PGGT1B: variants seen among roughly 807,000 people sequenced by gnomAD.
PGGT1B encodes protein geranylgeranyltransferase type I subunit beta, also known as geranylgeranyl transferase type-1 subunit beta.
In PGGT1B, 30 loss-of-function variants were observed where a neutral mutation model predicts 46.1. The observed-to-expected ratio is 0.65, with a 90% confidence interval of 0.49 to 0.88. The LOEUF (loss-of-function observed/expected upper bound fraction) is 0.88, where lower values mean the gene tolerates loss of function less well. Ranked by LOEUF, PGGT1B falls within the 40% of genes least tolerant of loss-of-function variation. The pLI is 0.00. For missense variants in PGGT1B, 376 were observed against 455.9 expected (o/e 0.82, Z 1.60); for synonymous variants, 170 against 160.0 (o/e 1.06, Z -0.47).
intron 2 of PGGT1B, among the ~76,000 whole-genome samples, 177 bp from the exon 3 acceptor site, chr5:115,241,783 C>G (rs568939223): frequency 6.6e-6 from 1 of 152,274 alleles, no homozygotes; most frequent in East Asian, 1.9e-4. Context: ...GGAATTTCCT[C>G]ATTTAATTTC....
intron 8 of PGGT1B, among the ~76,000 whole-genome samples, chr5:115,214,475 T>C (rs937351671): frequency 1.3e-5 from 2 of 152,192 alleles, no homozygotes; most frequent in Admixed American, 6.5e-5. Context: ...TTGTATCAAA[T>C]TTGCCACTAA....
chr5:115,256,179 G>A (rs1748304233), intron 1 of PGGT1B, among the ~76,000 whole-genome samples: 1 of 152,156 alleles, frequency 6.6e-6, no homozygotes, highest in Non-Finnish European at 1.5e-5. Context: ...AGTGGAGGAG[G>A]GAGTTACTGG....
At chr5:115,245,023 T>C (rs1747767621) in intron 2 of PGGT1B, among the ~76,000 whole-genome samples, 1 of 152,214 alleles carries the variant, frequency 6.6e-6, no homozygotes, top group Non-Finnish European at 1.5e-5. Flanking sequence ...GGATTGTCTT[T>C]TTTAAAGGGT....
At chr5:115,217,311 C>G (rs1580744312) in intron 7 of PGGT1B, among the ~76,000 whole-genome samples, 1 of 132,398 alleles carries the variant, frequency 7.6e-6, no homozygotes, top group Non-Finnish European at 1.7e-5. Flanking sequence ...CATATTTTAA[C>G]TCTTATGATA....
At chr5:115,238,681 T>G (rs1757262619) in intron 3 of PGGT1B, among the ~76,000 whole-genome samples, 1 of 152,198 alleles carries the variant, frequency 6.6e-6, no homozygotes, top group Non-Finnish European at 1.5e-5. Flanking sequence ...CCTTCTATAA[T>G]AAATGTAAAC....
At chr5:115,222,682 T>C (rs1303640460) in intron 6 of PGGT1B, among the ~76,000 whole-genome samples, 1 of 152,224 alleles carries the variant, frequency 6.6e-6, no homozygotes, top group African/African-American at 2.4e-5. Flanking sequence ...ACACATATGT[T>C]TATTGTGGCA....
intron 1 of PGGT1B, among the ~76,000 whole-genome samples, chr5:115,254,681 G>A (rs1351648095): frequency 6.6e-6 from 1 of 151,734 alleles, no homozygotes; most frequent in South Asian, 2.1e-4. Flanking sequence ...ATAACAGGAG[G>A]AGATATCAGA....
chr5:115,261,183 C>CATCTCATATCACTACAATCAT (rs1275723525), intron 1 of PGGT1B, among the ~76,000 whole-genome samples: 1 of 152,148 alleles, frequency 6.6e-6, no homozygotes, highest in Non-Finnish European at 1.5e-5. Flanking sequence ...CATTTTAAAA[C>CATCTCATATCACTACAATCAT]ATCTCATATC....
At chr5:115,221,575 T>C (rs1277343761) in intron 7 of PGGT1B, among the ~76,000 whole-genome samples, 1 of 151,900 alleles carries the variant, frequency 6.6e-6, no homozygotes, top group Non-Finnish European at 1.5e-5. Flanking sequence ...CTATGTAAGG[T>C]TTTAAGTAGG....
intron 5 of PGGT1B, among the ~76,000 whole-genome samples, chr5:115,235,492 G>C (rs1410331692): frequency 6.6e-6 from 1 of 152,088 alleles, no homozygotes; most frequent in Non-Finnish European, 1.5e-5. Flanking sequence ...TAACTTTACA[G>C]AGAAAACTCT....
chr5:115,237,808 C>A, intron 4 of PGGT1B, 50 bp downstream of exon 4: 1 of 1,510,838 alleles, frequency 6.6e-7, no homozygotes, highest in Non-Finnish European at 9.1e-7. Flanking sequence ...TTTTTTAGTT[C>A]CAATATATTT....
rs1374498598 is a variant in PGGT1B, at chr5:115,211,873, C to CTTTACTTT, written c.*528_*529insAAAGTAAA. On this transcript the variant is annotated 3_prime_UTR_variant, in exon 9 of 9. Coordinates refer to ENST00000419445, the MANE Select transcript of PGGT1B (RefSeq NM_005023.4). ...ATAGGCCACACAGGTTTAATTGGCA[C>CTTTACTTT]ACTTTACTTAAGAATAAGACAAAAT... The CTTTACTTT allele has an allele frequency of 6.5e-6, 1 of 153,632 alleles. No homozygotes were observed. The highest frequency in any genetic ancestry group is 1.9e-4 in the East Asian group (1 of 5,204). The allele number at this position is 153,632 out of a possible 1,614,324, so 9.5% of individuals were successfully genotyped here. A position where few individuals can be genotyped will look rare whatever the true frequency, so the allele number is the denominator to read the frequency against.
intron 1 of PGGT1B, among the ~76,000 whole-genome samples, chr5:115,259,836 C>T (rs1051777932): frequency 7.2e-5 from 11 of 152,112 alleles, no homozygotes; most frequent in African/African-American, 2.7e-4. Flanking sequence ...ATTGTAAATG[C>T]TTTGTGAAAT....
Position 115,237,838 on chromosome 5 carries a change from T to C in PGGT1B, c.479+20A>G, listed in dbSNP as rs142537035. ...ATATTTTTGTTTATTACAAAAAAAG[T>C]AACAAAGAATCACTCATACCTCCCA... On this transcript the variant is annotated intron_variant, in intron 4 of 8. Coordinates refer to ENST00000419445, the MANE Select transcript of PGGT1B (RefSeq NM_005023.4). 6.9e-6 allele frequency: 11 copies of C among 1,595,486 alleles called. No individual in the cohort carries two copies. In the African/African-American group the frequency reaches 1.1e-4, roughly 16 times the overall value.
chr5:115,250,081 A>G (rs553541991), intron 2 of PGGT1B, among the ~76,000 whole-genome samples: 3 of 152,284 alleles, frequency 2.0e-5, no homozygotes, highest in Non-Finnish European at 4.4e-5. Flanking sequence ...TTTTCTGCAA[A>G]TTCATCACTT....
chr5:115,255,967 T>C (rs1748293454), intron 1 of PGGT1B, among the ~76,000 whole-genome samples: 1 of 152,254 alleles, frequency 6.6e-6, no homozygotes, highest in South Asian at 2.1e-4. Flanking sequence ...CAACATAACA[T>C]AGAGATCAAG....
chr5:115,204,873 T>A lies in PGGT1B; in HGVS notation c.*7529A>T, dbSNP rs565496117. ...TATCCAGTCATAAAAGTGAAAAGCA[T>A]CTTCTGATTATTTCCACAAGTTAAC... On this transcript the variant is annotated 3_prime_UTR_variant, in exon 9 of 9. Coordinates refer to ENST00000419445, the MANE Select transcript of PGGT1B (RefSeq NM_005023.4). 6.6e-6 allele frequency: 1 copy of A among 152,278 alleles called. No individual in the cohort carries two copies. The highest frequency in any genetic ancestry group is 1.5e-5 in the Non-Finnish European group (1 of 68,006). The allele number at this position is 152,278 out of a possible 1,614,324, so 9.4% of individuals were successfully genotyped here.
At chr5:115,232,330 T>C (rs1757016913) in intron 5 of PGGT1B, among the ~76,000 whole-genome samples, 1 of 151,808 alleles carries the variant, frequency 6.6e-6, no homozygotes, top group Non-Finnish European at 1.5e-5. Flanking sequence ...GCAAAAAAAC[T>C]TCACATAAAA....
intron 7 of PGGT1B, among the ~76,000 whole-genome samples, chr5:115,221,550 A>C (rs1420331779): frequency 6.6e-6 from 1 of 152,048 alleles, no homozygotes; most frequent in Non-Finnish European, 1.5e-5. Context: ...CAAGAAAGTA[A>C]GTATTTAATA....
Sources: gnomAD v4.1 joint callset for allele counts (sites outside exome capture counted in the v4.1 genomes callset) on GRCh38, gnomAD v4.1.1 for gene constraint, MANE v1.5 for transcripts, NCBI Gene and HGNC (gene_info 2026-07-23, HGNC 2026-07-21) for gene names.